The following ZNF385B variants were observed in gnomAD, a reference collection of about 807,000 sequenced individuals.
The protein encoded by ZNF385B is zinc finger protein 385B.
In ZNF385B, 23 loss-of-function variants were observed where a neutral mutation model predicts 39.2. That is an observed-to-expected ratio of 0.59 (90% CI 0.42 to 0.83). The LOEUF (loss-of-function observed/expected upper bound fraction) is 0.83, where lower values mean the gene tolerates loss of function less well. Ranked by LOEUF, ZNF385B falls within the 40% of genes least tolerant of loss-of-function variation. The probability of loss-of-function intolerance (pLI) is 0.00; values close to 1 mark genes in which losing one functional copy is unlikely to be tolerated. For synonymous variants in ZNF385B, 205 were observed against 222.6 expected, an observed-to-expected ratio of 0.92 and a Z score of 0.70; for missense variants, 552 against 598.9, an observed-to-expected ratio of 0.92 and a Z score of 0.82.
chr2:179,541,985 G>C (rs2059947245), intron 4 of ZNF385B, among the ~76,000 whole-genome samples: 1 of 152,260 alleles, frequency 6.6e-6, no homozygotes, highest in East Asian at 1.9e-4. Flanking sequence ...GACAATAAGA[G>C]TAATAATGAC....
Position 179,472,508 on chromosome 2 carries a change from C to G in ZNF385B, c.715+10764G>C, listed in dbSNP as rs146345593. Among the ~76,000 whole-genome samples, 466 of 152,092 alleles carry G rather than the reference C, an allele frequency of 3.1e-3. 5 individuals are homozygous for G. The highest frequency in any genetic ancestry group is 0.011 in the African/African-American group (436 of 41,476). On this transcript the variant is annotated intron_variant, in intron 6 of 9. Coordinates refer to ENST00000410066, the MANE Select transcript of ZNF385B (RefSeq NM_152520.6). ...TAGAAGTTCATATATTTCAAAGCAA[C>G]GAATAAGATAATCTCTACTGTGGTA...
At chr2:179,668,547 G>A (rs1354391181) in intron 3 of ZNF385B, among the ~76,000 whole-genome samples, 1 of 146,028 alleles carries the variant, frequency 6.8e-6, no homozygotes, top group Non-Finnish European at 1.5e-5. Flanking sequence ...ATTTTTGTTT[G>A]CACATAAAGA....
At chr2:179,463,329 G>C (rs2105480046) in intron 6 of ZNF385B, among the ~76,000 whole-genome samples, 1 of 138,966 alleles carries the variant, frequency 7.2e-6, no homozygotes, top group Non-Finnish European at 1.5e-5. Context: ...AAAGGTGTAT[G>C]CTTCCACTTG....
chr2:179,575,216 C>T (rs936755024), intron 3 of ZNF385B, among the ~76,000 whole-genome samples: 2 of 152,074 alleles, frequency 1.3e-5, no homozygotes, highest in East Asian at 1.9e-4. Flanking sequence ...TGGGAGAATT[C>T]GCTCTGCGAT....
At chr2:179,696,940 T>C (rs1386709600) in intron 3 of ZNF385B, among the ~76,000 whole-genome samples, 3 of 152,118 alleles carry the variant, frequency 2.0e-5, no homozygotes, top group Non-Finnish European at 4.4e-5. Flanking sequence ...ATGCCGAAGC[T>C]TGGCATGGTC....
At chr2:179,535,957 T>C (rs199663310) in intron 4 of ZNF385B, among the ~76,000 whole-genome samples, 1 of 152,228 alleles carries the variant, frequency 6.6e-6, no homozygotes. Context: ...AAAACAGATC[T>C]GCGTTGTTGG....
At chr2:179,647,547 G>A (rs930817901) in intron 3 of ZNF385B, among the ~76,000 whole-genome samples, 8 of 152,100 alleles carry the variant, frequency 5.3e-5, no homozygotes, top group East Asian at 3.9e-4. Flanking sequence ...AGTGAATATG[G>A]TATTGGAATG....
intron 3 of ZNF385B, among the ~76,000 whole-genome samples, chr2:179,688,787 A>G (rs1329408750): frequency 3.3e-5 from 5 of 152,200 alleles, no homozygotes; most frequent in Non-Finnish European, 7.3e-5. Flanking sequence ...TCTGTAACTG[A>G]AATTTTGTAT....
rs2049184126 is a variant in ZNF385B at position 179,443,681 on chromosome 2, T to C, written c.1243-213A>G. Among the ~76,000 whole-genome samples the C allele has an allele frequency of 2.0e-5, 3 of 152,240 alleles. No homozygotes were observed. In the South Asian group the frequency reaches 6.2e-4, roughly 32 times the overall value. ...TTATTTGGTGGTCTTTGCTCCTGTG[T>C]GCTAGGGCACAGGGAAAGGCCTCTG... On this transcript the variant is annotated intron_variant, in intron 9 of 9. Transcript: ENST00000410066.
chr2:179,557,346 T>G (rs2060973624), intron 3 of ZNF385B, among the ~76,000 whole-genome samples: 3 of 145,044 alleles, frequency 2.1e-5, no homozygotes, highest in Admixed American at 2.0e-4. Flanking sequence ...GAGATTTTAA[T>G]TTTACTGTTT....
At chr2:179,795,612 A>T (rs1705612720) in intron 1 of ZNF385B, among the ~76,000 whole-genome samples, 1 of 146,426 alleles carries the variant, frequency 6.8e-6, no homozygotes, top group Middle Eastern at 3.5e-3. Context: ...AAGAAATCCC[A>T]GTTTTCATTC....
intron 3 of ZNF385B, among the ~76,000 whole-genome samples, chr2:179,627,254 T>C (rs1308817275): frequency 6.6e-6 from 1 of 152,172 alleles, no homozygotes; most frequent in Non-Finnish European, 1.5e-5. Flanking sequence ...ATCAGCTTCA[T>C]TCCCTTCATT....
intron 1 of ZNF385B, among the ~76,000 whole-genome samples, chr2:179,808,319 A>G (rs1706523037): frequency 6.6e-6 from 1 of 152,210 alleles, no homozygotes; most frequent in African/African-American, 2.4e-5. Flanking sequence ...GGCGTGAGCC[A>G]CCGCACCCGG....
chr2:179,605,063 CT>C (rs1688693573), intron 3 of ZNF385B, among the ~76,000 whole-genome samples: 1 of 152,048 alleles, frequency 6.6e-6, no homozygotes, highest in Non-Finnish European at 1.5e-5. Flanking sequence ...TCTGTCTCCC[CT>C]ATCTCAAGGA....
chr2:179,659,131 A>G (rs759032226), intron 3 of ZNF385B, among the ~76,000 whole-genome samples: 34 of 152,326 alleles, frequency 2.2e-4, no homozygotes, highest in Non-Finnish European at 3.8e-4. Flanking sequence ...GTTCTCACAC[A>G]TGAGGTAGTG....
At chr2:179,755,420 A>G (rs1355904989) in intron 3 of ZNF385B, among the ~76,000 whole-genome samples, 1 of 152,030 alleles carries the variant, frequency 6.6e-6, no homozygotes, top group Non-Finnish European at 1.5e-5. Context: ...TGATTTGGGG[A>G]GGAGAGTTCT....
At chr2:179,549,092 T>C (rs2060409749) in intron 3 of ZNF385B, among the ~76,000 whole-genome samples, 2 of 149,614 alleles carry the variant, frequency 1.3e-5, no homozygotes, top group South Asian at 4.3e-4. Flanking sequence ...CTCACTTCTT[T>C]CATCTGACAT....
intron 1 of ZNF385B, among the ~76,000 whole-genome samples, chr2:179,782,514 C>T (rs1308202066): frequency 6.6e-6 from 1 of 152,096 alleles, no homozygotes; most frequent in African/African-American, 2.4e-5. Context: ...AAATAAACGG[C>T]ATCCAAATAG....
intron 6 of ZNF385B, among the ~76,000 whole-genome samples, chr2:179,470,002 CA>C (rs1354598625): frequency 6.6e-6 from 1 of 152,148 alleles, no homozygotes; most frequent in Non-Finnish European, 1.5e-5. Flanking sequence ...GATTCCTTTG[CA>C]ACTGACAAGC....
Sources: gnomAD v4.1 joint callset for allele counts (sites outside exome capture counted in the v4.1 genomes callset) on GRCh38, gnomAD v4.1.1 for gene constraint, MANE v1.5 for transcripts, NCBI Gene and HGNC (gene_info 2026-07-23, HGNC 2026-07-21) for gene names.